The following KHDC1 variants were observed in gnomAD, a reference collection of about 807,000 sequenced individuals.
The protein encoded by KHDC1 is KH homology domain-containing protein 1.
Under a neutral mutation model 24.7 loss-of-function variants are expected in KHDC1, and 21 were observed. That is an observed-to-expected ratio of 0.85 (90% confidence interval 0.60 to 1.23). The LOEUF is 1.23. Among genes scored for constraint, KHDC1 ranks in the 50% most tolerant of loss-of-function variants. KHDC1 has a pLI of 0.00. For synonymous variants in KHDC1, 98 were observed against 111.7 expected, an observed-to-expected ratio of 0.88 and a Z score of 0.77; for missense variants, 274 against 298.5, an observed-to-expected ratio of 0.92 and a Z score of 0.61.
intron 2 of KHDC1, chr6:73,290,677 G>T (rs1459380358): frequency 6.8e-6 from 3 of 443,524 alleles, no homozygotes; most frequent in African/African-American, 4.0e-5. Flanking sequence ...GCTGAAGTTT[G>T]CTGCTGCTGC....
At chr6:73,302,804 C>T (rs907185772) in intron 1 of KHDC1, among the ~76,000 whole-genome samples, 1 of 152,164 alleles carries the variant, frequency 6.6e-6, no homozygotes, top group Non-Finnish European at 1.5e-5. Context: ...TGGCCGGGCG[C>T]GGTGGCTCAT....
At position 73,302,980 on chromosome 6, in the gene KHDC1, A is replaced by G. The variant is rs530888996; in HGVS notation, c.163+6572T>C. On this transcript the variant is annotated intron_variant, in intron 1 of 4. Coordinates refer to ENST00000370384, the Ensembl canonical transcript of KHDC1. ...TAATCCCAGCTACTCTGGAGGCTGAAGCACAAGAATTGCTTGAACCCAAGA... is the reference window on the plus strand; with the variant it reads ...TAATCCCAGCTACTCTGGAGGCTGAGGCACAAGAATTGCTTGAACCCAAGA... 1.4e-4 allele frequency among the ~76,000 whole-genome samples: 22 copies of G among 152,306 alleles called. No homozygotes were observed. The South Asian group carries it at 4.6e-3, about 32-fold the overall frequency.
chr6:73,310,101 C>G (rs79168820), exon 1 of KHDC1: 2 of 213,874 alleles, frequency 9.4e-6, no homozygotes, highest in East Asian at 3.5e-4. Flanking sequence ...GAGGAGAGGA[C>G]CCGGAGAACG....
Position 73,242,252 on chromosome 6 carries a change from G to A in KHDC1, c.332-15C>T, listed in dbSNP as rs533860623. On this transcript the variant is annotated splice_polypyrimidine_tract_variant and intron_variant, in intron 3 of 4. Transcript: ENST00000370384. ...GTCACCATGCCCTGTGAGCATAAGA[G>A]GTGAGAGGAGGTTCTGTCAAGCACC... The A allele has an allele frequency of 1.2e-6, 2 of 1,610,152 alleles. No individual in the cohort carries two copies. The highest frequency in any genetic ancestry group is 2.2e-5 in the South Asian group (2 of 90,108).
chr6:73,257,409 TTGTTTA>T (rs1766898799), intron 2 of KHDC1, among the ~76,000 whole-genome samples: 1 of 152,162 alleles, frequency 6.6e-6, no homozygotes, highest in African/African-American at 2.4e-5. Flanking sequence ...TTTTGTTTGT[TTGTTTA>T]TTTGTTTTGA....
chr6:73,283,968 C>T (rs1001214369), intron 2 of KHDC1, among the ~76,000 whole-genome samples: 13 of 152,058 alleles, frequency 8.5e-5, no homozygotes, highest in African/African-American at 2.2e-4. Context: ...ATTATGACAC[C>T]GAGAGAAGTC....
At chr6:73,260,664 C>G (rs1766964403) in intron 2 of KHDC1, among the ~76,000 whole-genome samples, 1 of 152,154 alleles carries the variant, frequency 6.6e-6, no homozygotes, top group Admixed American at 6.5e-5. Flanking sequence ...AATCTACCCC[C>G]ACCCCTAGCA....
exon 1 of KHDC1, chr6:73,310,083 A>C: frequency 4.5e-6 from 1 of 224,624 alleles, no homozygotes; most frequent in Non-Finnish European, 8.8e-6. Context: ...ACCAAACGAC[A>C]AGAACCGGAG....
intron 2 of KHDC1, among the ~76,000 whole-genome samples, chr6:73,283,948 C>CT (rs1486584432): frequency 6.6e-6 from 1 of 151,970 alleles, no homozygotes; most frequent in Non-Finnish European, 1.5e-5. Flanking sequence ...TTGAAACCAC[C>CT]TTTGCAAAGA....
exon 2 of KHDC1, chr6:73,292,026 T>C: frequency 5.0e-6 from 8 of 1,614,070 alleles, no homozygotes; most frequent in Non-Finnish European, 6.8e-6. Flanking sequence ...GTCTTTCCGC[T>C]CCTTGAGTTT....
chr6:73,293,170 CT>C, intron 1 of KHDC1: 3 of 734,294 alleles, frequency 4.1e-6, no homozygotes, highest in Admixed American at 3.6e-5. Flanking sequence ...GACCAAAAGC[CT>C]TTCTTTTAGA....
chr6:73,243,637 G>T (rs945441278), intron 2 of KHDC1, among the ~76,000 whole-genome samples: 5 of 152,200 alleles, frequency 3.3e-5, no homozygotes, highest in African/African-American at 1.2e-4. Flanking sequence ...AGGTTGCAAA[G>T]ACAAAGAACT....
Position 73,303,025 on chromosome 6 carries a change from C to T in KHDC1, c.163+6527G>A, listed in dbSNP as rs139348883. On this transcript the variant is annotated intron_variant, in intron 1 of 4. Transcript: ENST00000370384. ...CCAAGAGGCAGAGGTTGCAGTGAGT[C>T]GACATTGTGCCACTGCACTCCAGCC... is the stretch of plus-strand genomic sequence containing the variant. Among the ~76,000 whole-genome samples, 477 of 152,284 alleles carry T rather than the reference C, an allele frequency of 3.1e-3. 5 individuals are homozygous for T. The highest frequency in any genetic ancestry group is 0.011 in the African/African-American group (446 of 41,572).
intron 1 of KHDC1, among the ~76,000 whole-genome samples, chr6:73,307,440 T>TAAA (rs1767985318): frequency 6.6e-6 from 1 of 150,842 alleles, no homozygotes; most frequent in African/African-American, 2.5e-5. Flanking sequence ...AATAAATAAA[T>TAAA]TAATTAATTA....
intron 2 of KHDC1, among the ~76,000 whole-genome samples, chr6:73,249,653 C>T (rs1766743031): frequency 6.6e-6 from 1 of 152,176 alleles, no homozygotes; most frequent in East Asian, 1.9e-4. Flanking sequence ...CTTTGCCTGT[C>T]TCTGCTGGAT....
intron 2 of KHDC1, among the ~76,000 whole-genome samples, chr6:73,271,593 A>G (rs751207217): frequency 5.3e-5 from 8 of 151,952 alleles, no homozygotes; most frequent in East Asian, 1.9e-4. Context: ...ATGAATAGCC[A>G]TTAAGAAGAC....
rs561417251 is a variant in KHDC1 at position 73,253,198 on chromosome 6, G to T, written c.207-10668C>A. ...TAGAAATTTAATATTTAATAAAGGGGACAATTCAGATTACTGTGGAAAAGG... is the reference window on the plus strand; with the variant it reads ...TAGAAATTTAATATTTAATAAAGGGTACAATTCAGATTACTGTGGAAAAGG... On this transcript the variant is annotated intron_variant, in intron 2 of 4. Transcript: ENST00000370384. Among the ~76,000 whole-genome samples the T allele has an allele frequency of 5.9e-5, 9 of 152,264 alleles. No individual in the cohort carries two copies. The South Asian group carries it at 1.9e-3, about 32-fold the overall frequency.
Position 73,262,830 on chromosome 6 carries a change from T to C in KHDC1, c.207-20300A>G, listed in dbSNP as rs151250555. On this transcript the variant is annotated intron_variant, in intron 2 of 4. In the 5' UTR this introduces an upstream ATG that the reference lacks. Coordinates refer to ENST00000370384, the Ensembl canonical transcript of KHDC1. Reference sequence around the variant, plus strand: ...TCACTGACTCAACCAATGAGGAAATTATCCCACAAAGCAGATAATCCTAAT... The same window carrying C: ...TCACTGACTCAACCAATGAGGAAATCATCCCACAAAGCAGATAATCCTAAT... 8.7e-5 allele frequency: 86 copies of C among 985,548 alleles called. No individual in the cohort carries two copies. The African/African-American group carries it at 1.4e-3, about 16-fold the overall frequency. The allele number at this position is 985,548 out of a possible 1,614,324, so 61.1% of individuals were successfully genotyped here.
chr6:73,263,131 C>T, intron 2 of KHDC1: 1 of 993,360 alleles, frequency 1.0e-6, no homozygotes, highest in Non-Finnish European at 1.2e-6. Context: ...TCCTGGGCCG[C>T]GCACCCGACC....
Sources: allele counts gnomAD v4.1 joint callset (sites outside exome capture counted in the v4.1 genomes callset), GRCh38; gene constraint gnomAD v4.1.1; transcripts MANE v1.5; gene names NCBI Gene and HGNC (gene_info 2026-07-23, HGNC 2026-07-21).